Variants in PRICKLE2 observed in about 807,000 individuals in gnomAD.
The protein encoded by PRICKLE2 is prickle planar cell polarity protein 2, also known as prickle-like protein 2.
A neutral mutation model predicts 81.4 loss-of-function variants in PRICKLE2; 21 were observed. The ratio of observed to expected loss-of-function variants is 0.26; its 90% CI spans 0.18 to 0.37. PRICKLE2 has a LOEUF of 0.37. Among genes scored for constraint, PRICKLE2 ranks in the 10% least tolerant of loss-of-function variants. PRICKLE2 has a pLI of 1.00. For synonymous variants in PRICKLE2, 456 were observed against 421.5 expected (o/e 1.08, Z -1.00); for missense variants, 940 against 1,109.0 (o/e 0.85, Z 2.16).
intron 7 of PRICKLE2, among the ~76,000 whole-genome samples, chr3:64,130,641 C>T (rs1049273527): frequency 1.3e-5 from 2 of 152,158 alleles, no homozygotes; most frequent in Non-Finnish European, 2.9e-5. Flanking sequence ...GAACCACCCA[C>T]GAATTATCCC....
chr3:64,123,526 A>G (rs2077061376), intron 7 of PRICKLE2, among the ~76,000 whole-genome samples: 1 of 152,250 alleles, frequency 6.6e-6, no homozygotes, highest in Admixed American at 6.5e-5. Flanking sequence ...AGATACTGTG[A>G]TGCTTACGAA....
In PRICKLE2 at chr3:64,099,515, G is replaced by A; in HGVS notation, c.2071C>T (p.Arg691Ter). ...RFRPHRSRRSRRSRSDNALHL... is the reference protein window; with the variant it reads ...RFRPHRSRRS ...AGGGCGTTGTCGGAGCGAGAGCGTCGGGAACGCCTGGACCTGTGAGGTCGG... is the reference window on the plus strand; with the variant it reads ...AGGGCGTTGTCGGAGCGAGAGCGTCAGGAACGCCTGGACCTGTGAGGTCGG... The change falls in exon 8 of 8, where the codon CGA becomes TGA. Residue 691 changes from arginine to a stop codon, truncating the protein, a stop_gained. Coordinates refer to ENST00000638394, the MANE Select transcript of PRICKLE2 (RefSeq NM_198859.4). LOFTEE classifies it high-confidence loss of function. This position sits in a 1 kb window ranked among gnomAD's most constrained non-coding sequence, Gnocchi z 4.3. The A allele has an allele frequency of 6.2e-7, 1 of 1,601,240 alleles. No individual in the cohort carries two copies. Among genetic ancestry groups the A allele is most frequent in the Non-Finnish European group, 8.5e-7 (1 of 1,169,958 alleles).
intron 2 of PRICKLE2, among the ~76,000 whole-genome samples, chr3:64,168,548 G>T (rs1010229577): frequency 2.6e-5 from 4 of 152,180 alleles, no homozygotes; most frequent in African/African-American, 9.7e-5. Flanking sequence ...TGACCCTACG[G>T]CTTGACGCGT....
intron 2 of PRICKLE2, among the ~76,000 whole-genome samples, chr3:64,258,840 AAAAAAAAAGAAAGAAAGAAAGAAAG>A (rs2079568068): frequency 5.1e-5 from 7 of 137,364 alleles, no homozygotes; most frequent in African/African-American, 1.4e-4. Flanking sequence ...AAAAAAAAAA[AAAAAAAAAGAAAGAAAGAAAGAAAG>A]AAAGAAAGAA....
At chr3:64,247,489 A>G (rs909573143) in intron 2 of PRICKLE2, among the ~76,000 whole-genome samples, 8 of 152,166 alleles carry the variant, frequency 5.3e-5, no homozygotes, top group African/African-American at 1.9e-4. Context: ...GTCTTACATC[A>G]TACATAATCT....
intron 2 of PRICKLE2, among the ~76,000 whole-genome samples, chr3:64,176,698 T>G (rs78790892): frequency 0.01 from 1,584 of 152,328 alleles, 26 homozygotes; most frequent in African/African-American, 0.037. Flanking sequence ...TTTCTGCACA[T>G]TAAATACATG....
chr3:64,108,698 A>C lies in PRICKLE2; in HGVS notation c.1661-8773T>G, dbSNP rs544609676. On this transcript the variant is annotated intron_variant, in intron 7 of 7. Coordinates refer to ENST00000638394, the MANE Select transcript of PRICKLE2 (RefSeq NM_198859.4). ...GAGATCCCTGGTGATTCTCATGTTC[A>C]TGAGAGTTAGAGGAACACCAAGATG... Among the ~76,000 whole-genome samples the C allele has an allele frequency of 1.2e-4, 19 of 152,306 alleles. No homozygotes were observed. In the South Asian group the frequency reaches 2.7e-3, roughly 22 times the overall value.
chr3:64,257,291 C>A (rs546169574), intron 2 of PRICKLE2, among the ~76,000 whole-genome samples: 17 of 152,320 alleles, frequency 1.1e-4, no homozygotes, highest in Non-Finnish European at 2.4e-4. Context: ...GTGCCAACTC[C>A]TCCCTCCACC....
intron 7 of PRICKLE2, among the ~76,000 whole-genome samples, chr3:64,107,125 A>G (rs2076768245): frequency 6.6e-6 from 1 of 152,148 alleles, no homozygotes; most frequent in African/African-American, 2.4e-5. Context: ...ACAGGGGTGC[A>G]GGTTCCCTTA....
At chr3:64,166,799 T>G (rs2077841008) in intron 2 of PRICKLE2, among the ~76,000 whole-genome samples, 2 of 152,320 alleles carry the variant, frequency 1.3e-5, no homozygotes, top group South Asian at 4.1e-4. Flanking sequence ...AGGAGAATGA[T>G]TTAGTCCTTT....
chr3:64,131,306 G>GA (rs1202125899), intron 7 of PRICKLE2, among the ~76,000 whole-genome samples: 1 of 152,176 alleles, frequency 6.6e-6, no homozygotes. Context: ...AGGATGGAGG[G>GA]ATCCAGATCT....
At chr3:64,163,566 C>T (rs1221422082) in intron 2 of PRICKLE2, 3 of 226,210 alleles carry the variant, frequency 1.3e-5, no homozygotes, top group East Asian at 2.0e-4. Context: ...CTTTGGCACT[C>T]GGCAAACCCC....
At chr3:64,260,071 G>A (rs1320767867) in intron 2 of PRICKLE2, among the ~76,000 whole-genome samples, 1 of 152,118 alleles carries the variant, frequency 6.6e-6, no homozygotes, top group African/African-American at 2.4e-5. Context: ...ACAATGTTAA[G>A]TGGGTTTCTT....
At chr3:64,211,358 T>C (rs2078782851) in intron 1 of PRICKLE2, among the ~76,000 whole-genome samples, 1 of 152,364 alleles carries the variant, frequency 6.6e-6, no homozygotes, top group Non-Finnish European at 1.5e-5. Context: ...AAGGAGTTTC[T>C]ATCTGACACA....
chr3:64,206,013 A>C (rs2078681463), intron 1 of PRICKLE2, among the ~76,000 whole-genome samples: 1 of 152,242 alleles, frequency 6.6e-6, no homozygotes, highest in African/African-American at 2.4e-5. Context: ...GTAATTTGCT[A>C]GATGGAAAGA....
chr3:64,265,447 T>C (rs933366117), intron 2 of PRICKLE2, among the ~76,000 whole-genome samples: 3 of 152,208 alleles, frequency 2.0e-5, no homozygotes, highest in Non-Finnish European at 2.9e-5. Context: ...TCTCCTACTT[T>C]ATGATAGTGA....
At chr3:64,215,505 G>T (rs533865938) in intron 1 of PRICKLE2, among the ~76,000 whole-genome samples, 2 of 152,168 alleles carry the variant, frequency 1.3e-5, no homozygotes, top group Non-Finnish European at 2.9e-5. Context: ...TCAATAAGTA[G>T]CTCTTTGAAA....
chr3:64,230,862 T>C (rs1016012158), intron 2 of PRICKLE2, among the ~76,000 whole-genome samples: 5 of 152,294 alleles, frequency 3.3e-5, no homozygotes, highest in Middle Eastern at 3.4e-3. Flanking sequence ...AAATCAATAT[T>C]ATTCTCCACT....
chr3:64,198,971 C>A lies in PRICKLE2; in HGVS notation c.-40-4G>T, dbSNP rs368440637. ...CTTGCAGTGCAGGCAGATCTTCCTG[C>A]AGGCAGTAAAGGTAGAAGGTGAGAA... On this transcript the variant is annotated splice_region_variant and splice_polypyrimidine_tract_variant and intron_variant, in intron 1 of 7. Coordinates refer to ENST00000638394, the MANE Select transcript of PRICKLE2 (RefSeq NM_198859.4). The A allele has an allele frequency of 1.2e-6, 2 of 1,613,372 alleles. No individual in the cohort carries two copies. The highest frequency in any genetic ancestry group is 2.7e-5 in the African/African-American group (2 of 74,888).
Sources: allele counts gnomAD v4.1 joint callset (sites outside exome capture counted in the v4.1 genomes callset), GRCh38; gene constraint gnomAD v4.1.1; non-coding constraint Gnocchi (gnomAD v3.1); transcripts MANE v1.5; gene names NCBI Gene and HGNC (gene_info 2026-07-23, HGNC 2026-07-21).